ROBO1: variants seen among roughly 807,000 people sequenced by gnomAD.
The protein encoded by ROBO1 is roundabout guidance receptor 1, also known as roundabout homolog 1.
Under a neutral mutation model 195.9 loss-of-function variants are expected in ROBO1, and 149 were observed. The ratio of observed to expected loss-of-function variants is 0.76; its 90% CI spans 0.67 to 0.87. ROBO1 has a LOEUF of 0.87. ROBO1 is among the 40% of genes least tolerant of loss of function. The pLI is 0.00. For synonymous variants in ROBO1, 816 were observed against 733.2 expected (o/e 1.11, Z -1.82); for missense variants, 1,933 against 2,068.3 (o/e 0.93, Z 1.27).
At position 79,105,697 on chromosome 3, in the gene ROBO1, G is replaced by A. The variant is rs149307071; in HGVS notation, c.172+19759C>T. 1.9e-3 allele frequency among the ~76,000 whole-genome samples: 292 copies of A among 151,766 alleles called. 7 individuals are homozygous for A. Among genetic ancestry groups the A allele is most frequent in the Admixed American group, 0.017 (254 of 15,158 alleles). ...ATGCATTGTTGCAAACAAAGATATT[G>A]TGGGAGAAAGAGGAAACTGCATTGA... On this transcript the variant is annotated intron_variant, in intron 3 of 30. Transcript: ENST00000464233.
intron 10 of ROBO1, among the ~76,000 whole-genome samples, chr3:78,675,723 G>T (rs1338036739): frequency 6.6e-6 from 1 of 152,160 alleles, no homozygotes; most frequent in Non-Finnish European, 1.5e-5. Context: ...GCCTGCCTCT[G>T]TAGGCTCCAC....
chr3:79,474,828 C>G (rs556869821), intron 2 of ROBO1, among the ~76,000 whole-genome samples: 2 of 152,096 alleles, frequency 1.3e-5, no homozygotes, highest in South Asian at 4.1e-4. Flanking sequence ...TATTTGACAA[C>G]AAAGTGCATT....
At chr3:79,376,739 G>GTATAATAA (rs2036399880) in intron 2 of ROBO1, among the ~76,000 whole-genome samples, 1 of 151,998 alleles carries the variant, frequency 6.6e-6, no homozygotes, top group Non-Finnish European at 1.5e-5. Flanking sequence ...CACAGTCTTG[G>GTATAATAA]GTATATCTTT....
chr3:78,965,215 C>T (rs960132598), intron 3 of ROBO1, among the ~76,000 whole-genome samples: 1 of 151,944 alleles, frequency 6.6e-6, no homozygotes, highest in African/African-American at 2.4e-5. Flanking sequence ...AAAACAATTT[C>T]CCTTGATAAT....
chr3:79,484,396 C>T (rs552486984), intron 2 of ROBO1, among the ~76,000 whole-genome samples: 7 of 152,146 alleles, frequency 4.6e-5, no homozygotes, highest in South Asian at 4.2e-4. Context: ...GGGAAAGATG[C>T]TATTTATTCT....
intron 5 of ROBO1, among the ~76,000 whole-genome samples, chr3:78,726,481 G>GA (rs149439556): frequency 1.3e-5 from 2 of 152,014 alleles, no homozygotes; most frequent in Admixed American, 1.3e-4. Context: ...TATTTTTTCA[G>GA]AAAAAAACTT....
chr3:79,404,162 G>A (rs1484336634), intron 2 of ROBO1, among the ~76,000 whole-genome samples: 1 of 151,922 alleles, frequency 6.6e-6, no homozygotes. Flanking sequence ...AAGCATCTAT[G>A]GAACAGCTGA....
chr3:78,669,718 T>A (rs1707952032), intron 11 of ROBO1, among the ~76,000 whole-genome samples: 1 of 152,188 alleles, frequency 6.6e-6, no homozygotes, highest in African/African-American at 2.4e-5. Context: ...ATAGAAGAAC[T>A]ATCTAAATAT....
chr3:79,584,878 C>T (rs1943778991), intron 2 of ROBO1, among the ~76,000 whole-genome samples: 2 of 151,678 alleles, frequency 1.3e-5, no homozygotes, highest in Admixed American at 1.3e-4. Context: ...AGTGAGTCAT[C>T]AGCAAGAGAA....
At chr3:78,759,193 A>C (rs534205611) in intron 4 of ROBO1, 309 of 153,276 alleles carry the variant, frequency 2.0e-3, no homozygotes, top group Non-Finnish European at 3.5e-3. Flanking sequence ...TGTGATGAAC[A>C]CCAAATCAAC....
chr3:78,994,067 G>T (rs900081860), intron 3 of ROBO1, among the ~76,000 whole-genome samples: 1 of 151,830 alleles, frequency 6.6e-6, no homozygotes, highest in African/African-American at 2.4e-5. Flanking sequence ...AACAAATCTA[G>T]TCATTTCAGC....
chr3:78,934,698 G>A lies in ROBO1; in HGVS notation c.499+3903C>T, dbSNP rs114600026. ...CTCATCTATTCCAAGCTCAAAATGG[G>A]GGGACCCAATTTCCAGTCTTCATTC... On this transcript the variant is annotated intron_variant, in intron 4 of 30. Coordinates refer to ENST00000464233, the MANE Select transcript of ROBO1 (RefSeq NM_002941.4). 6.4e-3 allele frequency among the ~76,000 whole-genome samples: 978 copies of A among 151,896 alleles called. 8 individuals are homozygous for A. The highest frequency in any genetic ancestry group is 0.022 in the African/African-American group (930 of 41,474).
rs950991646 is a variant in ROBO1 at position 79,694,159 on chromosome 3, C to T, written c.-51+73593G>A. Among the ~76,000 whole-genome samples, 29 of 151,710 alleles carry T rather than the reference C, an allele frequency of 1.9e-4. 1 individual carries two copies. Among genetic ancestry groups the T allele is most frequent in the Middle Eastern group, 3.2e-3 (1 of 316 alleles). On this transcript the variant is annotated intron_variant, in intron 1 of 30. Transcript: ENST00000464233. ...TTCAGGAAAAAACAACAACACAACA[C>T]TCTGGAATGATGGGAGGATGCACAA...
intron 4 of ROBO1, among the ~76,000 whole-genome samples, chr3:78,919,256 T>G (rs2038805127): frequency 6.6e-6 from 1 of 152,156 alleles, no homozygotes; most frequent in Admixed American, 6.6e-5. Flanking sequence ...CAGACTAGCT[T>G]AGACAGTGCA....
chr3:79,270,661 G>A (rs2030465196), intron 2 of ROBO1, among the ~76,000 whole-genome samples: 2 of 151,612 alleles, frequency 1.3e-5, no homozygotes, highest in Non-Finnish European at 2.9e-5. Context: ...ATTCATTAAT[G>A]TTTCAGGTAA....
chr3:78,810,092 C>T (rs754738312), intron 4 of ROBO1, among the ~76,000 whole-genome samples: 24 of 151,878 alleles, frequency 1.6e-4, no homozygotes, highest in Non-Finnish European at 1.6e-4. Flanking sequence ...AAAATTTGGA[C>T]GCAAAAATGT....
intron 3 of ROBO1, among the ~76,000 whole-genome samples, chr3:79,012,864 C>T (rs80193252): frequency 0.024 from 3,694 of 152,128 alleles, 146 homozygotes; most frequent in African/African-American, 0.083. Flanking sequence ...TTTTTTCTTC[C>T]TCTTCTTCAA....
At chr3:78,781,431 G>C (rs1368047931) in intron 4 of ROBO1, among the ~76,000 whole-genome samples, 1 of 152,062 alleles carries the variant, frequency 6.6e-6, no homozygotes, top group Admixed American at 6.6e-5. Flanking sequence ...GAAAAGTGAA[G>C]CAGTGGGTGT....
chr3:79,714,481 C>G lies in ROBO1; in HGVS notation c.-51+53271G>C, dbSNP rs185822700. 4.7e-3 allele frequency among the ~76,000 whole-genome samples: 709 copies of G among 152,150 alleles called. 10 individuals carry two copies. Among genetic ancestry groups the G allele is most frequent in the African/African-American group, 0.015 (614 of 41,480 alleles). ...CTAGAACTAGAAATACCATTTGAACCAGCCATCCCATTACTGGGTATATAC... is the reference window on the plus strand; with the variant it reads ...CTAGAACTAGAAATACCATTTGAACGAGCCATCCCATTACTGGGTATATAC... On this transcript the variant is annotated intron_variant, in intron 1 of 30. Transcript: ENST00000464233.
Sources: allele counts gnomAD v4.1 joint callset (sites outside exome capture counted in the v4.1 genomes callset), GRCh38; gene constraint gnomAD v4.1.1; transcripts MANE v1.5; gene names NCBI Gene and HGNC (gene_info 2026-07-23, HGNC 2026-07-21).